The following MARCHF1 variants were observed in gnomAD, a reference collection of about 807,000 sequenced individuals.
MARCHF1 encodes the protein E3 ubiquitin-protein ligase MARCHF1.
In MARCHF1, 40 loss-of-function variants were observed where a neutral mutation model predicts 54.2. The observed-to-expected ratio is 0.74, with a 90% CI of 0.57 to 0.96. The LOEUF (loss-of-function observed/expected upper bound fraction) is 0.96. MARCHF1 is among the 40% of genes least tolerant of loss of function. The probability of loss-of-function intolerance (pLI) is 0.00; values close to 1 mark genes in which losing one functional copy is unlikely to be tolerated. For missense variants in MARCHF1, 586 were observed against 656.5 expected, an observed-to-expected ratio of 0.89 and a Z score of 1.17; for synonymous variants, 236 against 236.3, an observed-to-expected ratio of 1.00 and a Z score of 0.01.
intron 4 of MARCHF1, among the ~76,000 whole-genome samples, chr4:163,816,278 T>C (rs931660993): frequency 2.6e-5 from 4 of 152,170 alleles, no homozygotes; most frequent in African/African-American, 9.6e-5. Flanking sequence ...TTACTTTTCA[T>C]ACAGTCCTAT....
intron 1 of MARCHF1, among the ~76,000 whole-genome samples, chr4:164,152,870 C>T (rs1044740558): frequency 3.3e-5 from 5 of 152,112 alleles, no homozygotes; most frequent in Admixed American, 6.6e-5. Context: ...TTACCTATAG[C>T]CTGGAAGTCC....
intron 4 of MARCHF1, among the ~76,000 whole-genome samples, chr4:163,730,506 G>T (rs1745794425): frequency 6.6e-6 from 1 of 151,972 alleles, no homozygotes; most frequent in Non-Finnish European, 1.5e-5. Context: ...TAATTGTGTG[G>T]TAACTCTGGA....
At chr4:163,933,129 A>G in intron 3 of MARCHF1, 1 of 999,104 alleles carries the variant, frequency 1.0e-6, no homozygotes, top group Non-Finnish European at 1.5e-6. Context: ...AGAACTTGAT[A>G]CACTGAATGA....
intron 4 of MARCHF1, among the ~76,000 whole-genome samples, chr4:163,807,775 G>T: frequency 6.6e-6 from 1 of 150,500 alleles, no homozygotes. Context: ...AAATATGGTG[G>T]TAAATAATTA....
chr4:164,164,833 T>C (rs1730329560), intron 1 of MARCHF1, among the ~76,000 whole-genome samples: 1 of 152,064 alleles, frequency 6.6e-6, no homozygotes, highest in Admixed American at 6.6e-5. Context: ...AAATCTATCA[T>C]GGTGGTTTTA....
intron 4 of MARCHF1, among the ~76,000 whole-genome samples, chr4:163,799,796 A>C (rs1748027143): frequency 6.6e-6 from 1 of 152,110 alleles, no homozygotes; most frequent in Non-Finnish European, 1.5e-5. Flanking sequence ...CATGTACCCA[A>C]AAGAAAACAA....
chr4:163,759,196 A>C (rs1250167654), intron 4 of MARCHF1, among the ~76,000 whole-genome samples: 1 of 144,342 alleles, frequency 6.9e-6, no homozygotes, highest in Non-Finnish European at 1.5e-5. Flanking sequence ...TTTTTTTTTT[A>C]ATGGTATATT....
intron 2 of MARCHF1, among the ~76,000 whole-genome samples, chr4:163,999,136 A>T (rs999215204): frequency 1.3e-5 from 2 of 151,600 alleles, no homozygotes; most frequent in African/African-American, 4.8e-5. Flanking sequence ...TTTGGTAATT[A>T]TCATTCTAAA....
At chr4:163,659,387 T>A (rs1449834721) in intron 5 of MARCHF1, among the ~76,000 whole-genome samples, 1 of 152,044 alleles carries the variant, frequency 6.6e-6, no homozygotes, top group Non-Finnish European at 1.5e-5. Flanking sequence ...CCTTACACCT[T>A]ATACAAAAAT....
rs553919893 is a variant in MARCHF1 at position 164,285,756 on chromosome 4, C to T, written c.-323+98114G>A. Among the ~76,000 whole-genome samples the T allele has an allele frequency of 2.0e-5, 3 of 148,722 alleles. No homozygotes were observed. The East Asian group carries it at 6.0e-4, about 30-fold the overall frequency. On this transcript the variant is annotated intron_variant, in intron 1 of 9. Coordinates refer to ENST00000514618, the MANE Select transcript of MARCHF1 (RefSeq NM_001394959.1). ...GATTACAGGCGTGAGCCACCGCGAC[C>T]GGCATTAATTTTATTTTTTAAGTTG... is the stretch of plus-strand genomic sequence containing the variant.
In MARCHF1 at chr4:164,106,824, C is replaced by T. The variant is rs1043874320; in HGVS notation, c.-248+4764G>A. Among the ~76,000 whole-genome samples, 10 of 151,008 alleles carry T rather than the reference C, an allele frequency of 6.6e-5. No homozygotes were observed. The East Asian group carries it at 1.9e-3, about 29-fold the overall frequency. The stretch of plus-strand genomic sequence containing the variant: ...GCTGCCAGCCATTTACTCCTTAAGA[C>T]TCTTCAGACTTTTTCCCTGTGTTTC... On this transcript the variant is annotated intron_variant, in intron 2 of 9. Coordinates refer to ENST00000514618, the MANE Select transcript of MARCHF1 (RefSeq NM_001394959.1).
At chr4:164,075,734 T>C (rs1560892364) in intron 2 of MARCHF1, among the ~76,000 whole-genome samples, 1 of 152,228 alleles carries the variant, frequency 6.6e-6, no homozygotes, top group African/African-American at 2.4e-5. Flanking sequence ...ATTTAACACA[T>C]GCTTTTGTTT....
chr4:163,683,266 C>T (rs900826500), intron 5 of MARCHF1, among the ~76,000 whole-genome samples: 8 of 152,192 alleles, frequency 5.3e-5, no homozygotes, highest in Non-Finnish European at 1.0e-4. Context: ...AGGCACATCT[C>T]ACATGGTGGT....
intron 5 of MARCHF1, among the ~76,000 whole-genome samples, chr4:163,693,060 C>T (rs1744513175): frequency 1.3e-5 from 2 of 151,290 alleles, no homozygotes; most frequent in South Asian, 4.1e-4. Context: ...AGGAGGTAGA[C>T]TCAAATGTCC....
chr4:163,999,424 T>C (rs1032049743), intron 2 of MARCHF1, among the ~76,000 whole-genome samples: 3 of 151,568 alleles, frequency 2.0e-5, no homozygotes, highest in Non-Finnish European at 3.0e-5. Flanking sequence ...AAAATAACAA[T>C]TGAGTATATT....
chr4:163,885,711 T>C (rs1157389511), intron 3 of MARCHF1, among the ~76,000 whole-genome samples: 1 of 151,982 alleles, frequency 6.6e-6, no homozygotes, highest in African/African-American at 2.4e-5. Context: ...TTTATGTATG[T>C]TTTTATAATG....
At chr4:163,821,764 A>G (rs1748698495) in intron 4 of MARCHF1, among the ~76,000 whole-genome samples, 1 of 148,444 alleles carries the variant, frequency 6.7e-6, no homozygotes, top group Non-Finnish European at 1.5e-5. Flanking sequence ...CAAATCTCTT[A>G]CATATTGGCA....
intron 2 of MARCHF1, among the ~76,000 whole-genome samples, chr4:164,059,526 T>C (rs1031213837): frequency 3.9e-5 from 6 of 152,328 alleles, no homozygotes; most frequent in East Asian, 1.9e-4. Context: ...TGGCATTATA[T>C]GAATTTATTG....
chr4:164,128,794 C>G (rs1263728253), intron 1 of MARCHF1, among the ~76,000 whole-genome samples: 4 of 152,258 alleles, frequency 2.6e-5, no homozygotes, highest in South Asian at 4.1e-4. Flanking sequence ...ATCTGCTTCT[C>G]CCTGTGGTCT....
Sources: gnomAD v4.1 joint callset for allele counts (sites outside exome capture counted in the v4.1 genomes callset) on GRCh38, gnomAD v4.1.1 for gene constraint, MANE v1.5 for transcripts, NCBI Gene and HGNC (gene_info 2026-07-23, HGNC 2026-07-21) for gene names.